NRXN1: variants seen among roughly 807,000 people sequenced by gnomAD.
The protein encoded by NRXN1 is neurexin-1.
NRXN1 carries 39 observed loss-of-function variants against 150.9 expected under a neutral mutation model. The observed-to-expected ratio is 0.26, with a 90% confidence interval of 0.20 to 0.34. The LOEUF (loss-of-function observed/expected upper bound fraction) is 0.34. Ranked by LOEUF, NRXN1 falls within the 10% of genes least tolerant of loss-of-function variation. The pLI is 1.00. For missense variants in NRXN1, 1,815 were observed against 1,949.9 expected, an observed-to-expected ratio of 0.93 and a Z score of 1.30; for synonymous variants, 924 against 757.0, an observed-to-expected ratio of 1.22 and a Z score of -3.62.
At chr2:50,908,832 G>A (rs536829261) in intron 5 of NRXN1, among the ~76,000 whole-genome samples, 9 of 152,032 alleles carry the variant, frequency 5.9e-5, no homozygotes, top group African/African-American at 2.2e-4. Context: ...GAGGAAGAGA[G>A]ACCTGAGCTG....
rs1553775815 is a variant in NRXN1, at chr2:50,551,077, G to GAAGAAGAAGAAGAAGAA, written c.1759+1509_1759+1510insTTCTTCTTCTTCTTCTT. 2.2e-3 allele frequency among the ~76,000 whole-genome samples: 113 copies of GAAGAAGAAGAAGAAGAA among 52,316 alleles called. 1 individual carries two copies. The highest frequency in any genetic ancestry group is 1.0e-2 in the African/African-American group (95 of 9,514). The allele number at this position is 52,316 out of a possible 152,430, so 34.3% of individuals were successfully genotyped here. A position where few individuals can be genotyped will look rare whatever the true frequency, so the allele number is the denominator to read the frequency against. ...AAGAAGAAGAAGAAGAAGAAGAAGA[G>GAAGAAGAAGAAGAAGAA]GAGGAGGAGGAGGAGGAGGAGGAGG... On this transcript the variant is annotated intron_variant, in intron 9 of 22. Transcript: ENST00000401669.
At chr2:50,060,769 G>A (rs1271050826) in intron 19 of NRXN1, among the ~76,000 whole-genome samples, 1 of 152,170 alleles carries the variant, frequency 6.6e-6, no homozygotes, top group Non-Finnish European at 1.5e-5. Flanking sequence ...TCTCTTGCCT[G>A]CCACCATGTA....
chr2:49,957,869 C>G (rs1333326508), intron 21 of NRXN1, among the ~76,000 whole-genome samples: 1 of 152,100 alleles, frequency 6.6e-6, no homozygotes, highest in Non-Finnish European at 1.5e-5. Context: ...GCGTCTTGCT[C>G]CTTCTACTCC....
intron 17 of NRXN1, among the ~76,000 whole-genome samples, chr2:50,361,632 A>G (rs1472187616): frequency 6.6e-6 from 1 of 152,216 alleles, no homozygotes; most frequent in Non-Finnish European, 1.5e-5. Flanking sequence ...AAAAAAGCCC[A>G]GGACCAGATG....
At chr2:49,979,731 G>GT (rs1210791877) in intron 21 of NRXN1, among the ~76,000 whole-genome samples, 3 of 152,192 alleles carry the variant, frequency 2.0e-5, no homozygotes, top group African/African-American at 4.8e-5. Context: ...GATTGTCTTA[G>GT]TTTTTTATTA....
chr2:50,651,914 G>A lies in NRXN1; in HGVS notation c.833-28299C>T, dbSNP rs564461560. On this transcript the variant is annotated intron_variant, in intron 5 of 22. Coordinates refer to ENST00000401669, the MANE Select transcript of NRXN1 (RefSeq NM_001330078.2). The stretch of plus-strand genomic sequence containing the variant: ...AACCACAACAATCCTAACACTCTAT[G>A]AATAATGAACCCTATTTAAATGAGC... 1.2e-4 allele frequency among the ~76,000 whole-genome samples: 19 copies of A among 152,098 alleles called. No individual in the cohort carries two copies. The South Asian group carries it at 3.9e-3, about 32-fold the overall frequency.
At chr2:50,613,234 T>G (rs1678481495) in intron 8 of NRXN1, among the ~76,000 whole-genome samples, 1 of 152,162 alleles carries the variant, frequency 6.6e-6, no homozygotes, top group African/African-American at 2.4e-5. Context: ...CCAGCCTCTC[T>G]CTGAGTCACT....
intron 21 of NRXN1, among the ~76,000 whole-genome samples, chr2:50,011,825 T>C (rs1685720591): frequency 6.6e-6 from 1 of 151,934 alleles, no homozygotes; most frequent in Admixed American, 6.6e-5. Flanking sequence ...AAATTGGAGA[T>C]AGGTGGATGT....
chr2:50,899,814 A>G (rs942163919), intron 5 of NRXN1, among the ~76,000 whole-genome samples: 1 of 152,210 alleles, frequency 6.6e-6, no homozygotes, highest in Non-Finnish European at 1.5e-5. Context: ...TATGTCAAAT[A>G]CATGAACTGC....
At chr2:50,173,854 C>T (rs1402216478) in intron 18 of NRXN1, among the ~76,000 whole-genome samples, 1 of 152,012 alleles carries the variant, frequency 6.6e-6, no homozygotes, top group Non-Finnish European at 1.5e-5. Flanking sequence ...TCTTTGTGTT[C>T]CCTCTGTACA....
intron 5 of NRXN1, among the ~76,000 whole-genome samples, chr2:50,640,427 T>G (rs990639217): frequency 2.6e-5 from 4 of 152,198 alleles, no homozygotes; most frequent in Non-Finnish European, 4.4e-5. Context: ...ATACTGCTTA[T>G]GTAACTTATC....
At chr2:50,768,360 G>A (rs1280396761) in intron 5 of NRXN1, among the ~76,000 whole-genome samples, 1 of 152,052 alleles carries the variant, frequency 6.6e-6, no homozygotes, top group Non-Finnish European at 1.5e-5. Flanking sequence ...GCAGGCTGGA[G>A]CGCAGTGGCA....
chr2:50,696,321 A>G (rs1692858871), intron 5 of NRXN1: 1 of 152,552 alleles, frequency 6.6e-6, no homozygotes, highest in Non-Finnish European at 1.5e-5. Context: ...AATGTACATA[A>G]TTCTTCACAC....
At chr2:50,727,483 A>G (rs1464500093) in intron 5 of NRXN1, among the ~76,000 whole-genome samples, 1 of 152,044 alleles carries the variant, frequency 6.6e-6, no homozygotes, top group Non-Finnish European at 1.5e-5. Flanking sequence ...CGTATGGCTA[A>G]AAACAAATTT....
At chr2:51,000,678 A>T (rs1036141495) in intron 2 of NRXN1, among the ~76,000 whole-genome samples, 31 of 151,994 alleles carry the variant, frequency 2.0e-4, no homozygotes, top group African/African-American at 7.5e-4. Context: ...ACAGAGACAG[A>T]TGTTTTGATT....
intron 15 of NRXN1, among the ~76,000 whole-genome samples, chr2:50,475,536 C>T (rs1226721056): frequency 6.6e-6 from 1 of 152,026 alleles, no homozygotes; most frequent in Non-Finnish European, 1.5e-5. Context: ...CATTGTAAAG[C>T]TTATTGAAGA....
chr2:49,930,125 A>G (rs1052241037), intron 22 of NRXN1, among the ~76,000 whole-genome samples: 1 of 152,228 alleles, frequency 6.6e-6, no homozygotes. Flanking sequence ...TTCAGGAATT[A>G]AACAACAGTT....
chr2:50,039,346 G>A (rs1055443050), intron 21 of NRXN1, among the ~76,000 whole-genome samples: 4 of 152,072 alleles, frequency 2.6e-5, no homozygotes, highest in African/African-American at 9.7e-5. Flanking sequence ...CACGCCTATG[G>A]TCCCAGCTAC....
At chr2:50,591,912 C>T (rs1008506344) in intron 8 of NRXN1, among the ~76,000 whole-genome samples, 3 of 152,190 alleles carry the variant, frequency 2.0e-5, no homozygotes, top group African/African-American at 7.2e-5. Context: ...GTTTCTAAAA[C>T]CTTTTGTGTG....
Sources: gnomAD v4.1 joint callset for allele counts (sites outside exome capture counted in the v4.1 genomes callset) on GRCh38, gnomAD v4.1.1 for gene constraint, MANE v1.5 for transcripts, NCBI Gene and HGNC (gene_info 2026-07-23, HGNC 2026-07-21) for gene names.